The following STRN3 variants were observed in gnomAD, a reference collection of about 807,000 sequenced individuals.
STRN3 encodes striatin-3.
In STRN3, 29 loss-of-function variants were observed where a neutral mutation model predicts 95.6. The ratio of observed to expected loss-of-function variants is 0.30; its 90% confidence interval spans 0.23 to 0.41. The LOEUF (loss-of-function observed/expected upper bound fraction) is 0.41. Ranked by LOEUF, STRN3 falls within the 10% of genes least tolerant of loss-of-function variation. The probability of loss-of-function intolerance (pLI) is 1.00; values close to 1 mark genes in which losing one functional copy is unlikely to be tolerated. For synonymous variants in STRN3, 331 were observed against 357.6 expected, an observed-to-expected ratio of 0.93 and a Z score of 0.84; for missense variants, 890 against 972.1, an observed-to-expected ratio of 0.92 and a Z score of 1.12.
intron 7 of STRN3, among the ~76,000 whole-genome samples, chr14:30,931,223 G>A (rs1878520531): frequency 6.6e-6 from 1 of 152,152 alleles, no homozygotes; most frequent in Non-Finnish European, 1.5e-5. Context: ...ACAACATCCT[G>A]AAACTTGCCT....
intron 1 of STRN3, among the ~76,000 whole-genome samples, chr14:30,971,188 T>G (rs1328094337): frequency 6.6e-6 from 1 of 152,244 alleles, no homozygotes; most frequent in African/African-American, 2.4e-5. Context: ...AGATGTGTGG[T>G]GGTATTGTGG....
rs200580815 is a variant in STRN3, at chr14:30,895,537, T to G, written c.2268A>C (p.Thr756=). The change falls in exon 18 of 18, where the codon ACA becomes ACC. Residue 756 remains threonine, a synonymous_variant. Coordinates refer to ENST00000357479, the MANE Select transcript of STRN3 (RefSeq NM_001083893.2). The stretch of plus-strand genomic sequence containing the variant: ...TGTGAGCTGTTATTTCTTGCACACA[T>G]GTCTTGCTGTCTAAATTCCATAATC... ...SIRLWNLDSK[T]CVQEITAHRK... 6.2e-7 allele frequency: 1 copy of G among 1,614,102 alleles called. No individual in the cohort carries two copies. The highest frequency in any genetic ancestry group is 1.7e-5 in the Admixed American group (1 of 60,016).
intron 13 of STRN3, among the ~76,000 whole-genome samples, chr14:30,908,538 C>G (rs1217669642): frequency 6.6e-6 from 1 of 152,204 alleles, no homozygotes; most frequent in East Asian, 1.9e-4. Context: ...CTGGCCAAGA[C>G]CTGGGTGACC....
In STRN3 at chr14:30,914,022, T is replaced by G. The variant is rs1198418204; in HGVS notation, c.1241-365A>C. On this transcript the variant is annotated intron_variant, in intron 9 of 17. Transcript: ENST00000357479. ...ATAATGGAGTTAAATATCAGATTTTTGCATTCATGAGGGGAAACCTCTACC... is the reference window on the plus strand; with the variant it reads ...ATAATGGAGTTAAATATCAGATTTTGGCATTCATGAGGGGAAACCTCTACC... Among the ~76,000 whole-genome samples the G allele has an allele frequency of 5.3e-5, 8 of 152,214 alleles. No homozygotes were observed. In the East Asian group the frequency reaches 1.3e-3, roughly 26 times the overall value.
rs992008119 is a variant in STRN3 at position 30,979,650 on chromosome 14, A to C, written c.283-23408T>G. ...AGTCTCGCTCTGTCGCCCAGGCTGG[A>C]GTGCAGTGGCACCATCTCGGCTCAC... On this transcript the variant is annotated intron_variant, in intron 1 of 17. Transcript: ENST00000357479. 2.6e-5 allele frequency among the ~76,000 whole-genome samples: 4 copies of C among 152,090 alleles called. No individual in the cohort carries two copies. The South Asian group carries it at 8.3e-4, about 32-fold the overall frequency.
Position 30,895,733 on chromosome 14 carries a change from G to C in STRN3, c.2153C>G (p.Ser718Cys), listed in dbSNP as rs561709842. 1.2e-5 allele frequency: 20 copies of C among 1,612,844 alleles called. No homozygotes were observed. The highest frequency in any genetic ancestry group is 3.3e-5 in the Admixed American group (2 of 59,742). Residue 718 changes from serine (S) to cysteine (C), a missense_variant, in exon 17 of 18, where the codon TCT (serine) becomes TGT (cysteine). Around this residue, in one of 3 missense-constraint regions of STRN3, gnomAD observed 357 missense variants for 422.8 expected, o/e 0.84. Transcript: ENST00000357479. ...FDNKTGKMIH[S>C]MVAHLDAVTS... ...AACAGCATCCAAGTGAGCTACCATA[G>C]AATGGATCATTTTACCTAAACAAAA... is the stretch of plus-strand genomic sequence containing the variant.
intron 1 of STRN3, 30 bp from the exon 2 acceptor site, chr14:30,956,272 AT>A: frequency 1.3e-6 from 2 of 1,595,998 alleles, no homozygotes; most frequent in African/African-American, 1.3e-5. Flanking sequence ...ATTTATTTAC[AT>A]TTTCCCTTAA....
intron 1 of STRN3, among the ~76,000 whole-genome samples, chr14:30,988,312 CTCAA>C (rs1881793602): frequency 6.6e-6 from 1 of 152,152 alleles, no homozygotes; most frequent in Admixed American, 6.6e-5. Context: ...GACCCTTATA[CTCAA>C]ACTAAAATTA....
At chr14:30,994,892 T>G (rs1277002612) in intron 1 of STRN3, among the ~76,000 whole-genome samples, 1 of 152,238 alleles carries the variant, frequency 6.6e-6, no homozygotes, top group Non-Finnish European at 1.5e-5. Flanking sequence ...CTCTATTCTT[T>G]TCCTTAATAT....
At chr14:30,919,202 A>T in intron 8 of STRN3, 96 bp from the exon 9 acceptor site, 1 of 1,252,060 alleles carries the variant, frequency 8.0e-7, no homozygotes, top group Non-Finnish European at 1.1e-6. Context: ...ACAGACTATT[A>T]AGAAGTCCCA....
chr14:30,968,050 A>G (rs145841101), intron 1 of STRN3, among the ~76,000 whole-genome samples: 1 of 152,208 alleles, frequency 6.6e-6, no homozygotes, highest in African/African-American at 2.4e-5. Context: ...GCCTTAAAGT[A>G]CTTACAAAAC....
At chr14:30,920,696 C>T (rs1896857379) in intron 8 of STRN3, among the ~76,000 whole-genome samples, 1 of 152,100 alleles carries the variant, frequency 6.6e-6, no homozygotes, top group Non-Finnish European at 1.5e-5. Flanking sequence ...CAACAGACTC[C>T]TAATTGGTTT....
chr14:30,904,533 C>CT (rs957909481), intron 15 of STRN3, among the ~76,000 whole-genome samples: 4 of 152,082 alleles, frequency 2.6e-5, no homozygotes, highest in African/African-American at 9.7e-5. Context: ...TTTATCTTGC[C>CT]TTTTTCCTTA....
intron 1 of STRN3, among the ~76,000 whole-genome samples, chr14:31,000,025 C>T (rs1158781530): frequency 1.3e-5 from 2 of 152,074 alleles, no homozygotes; most frequent in East Asian, 3.9e-4. Context: ...TTGTCTATAT[C>T]CAACAAAACT....
chr14:30,935,077 T>C (rs1878751116), intron 7 of STRN3, 86 bp downstream of exon 7: 1 of 1,526,472 alleles, frequency 6.6e-7, no homozygotes, highest in South Asian at 1.3e-5. Flanking sequence ...CATATATTTA[T>C]ACACACATTC....
chr14:30,944,482 T>TG (rs1416667577), intron 5 of STRN3, among the ~76,000 whole-genome samples: 5 of 148,148 alleles, frequency 3.4e-5, no homozygotes, highest in African/African-American at 4.9e-5. Context: ...TATATATACA[T>TG]AATATATACA....
At chr14:30,953,955 T>C (rs1168512650) in intron 3 of STRN3, among the ~76,000 whole-genome samples, 3 of 152,102 alleles carry the variant, frequency 2.0e-5, no homozygotes, top group Non-Finnish European at 2.9e-5. Context: ...TCTTTAATAA[T>C]AGTCATAGTG....
intron 15 of STRN3, among the ~76,000 whole-genome samples, chr14:30,904,517 C>A (rs1053164215): frequency 1.7e-4 from 26 of 152,218 alleles, no homozygotes; most frequent in Non-Finnish European, 3.1e-4. Context: ...AACCAAAACC[C>A]AATCATTTAT....
At chr14:30,898,830 C>T (rs1896228254) in intron 16 of STRN3, among the ~76,000 whole-genome samples, 1 of 152,270 alleles carries the variant, frequency 6.6e-6, no homozygotes, top group African/African-American at 2.4e-5. Context: ...CTCCCTGGCA[C>T]CTTAAGCCCT....
Sources: allele counts gnomAD v4.1 joint callset (sites outside exome capture counted in the v4.1 genomes callset), GRCh38; gene constraint gnomAD v4.1.1; regional missense constraint gnomAD v4.1.1; transcripts MANE v1.5; gene names NCBI Gene and HGNC (gene_info 2026-07-23, HGNC 2026-07-21).